SLC24A3: variants seen among roughly 807,000 people sequenced by gnomAD.
SLC24A3 encodes solute carrier family 24 member 3.
A neutral mutation model predicts 75.8 loss-of-function variants in SLC24A3; 28 were observed. The ratio of observed to expected loss-of-function variants is 0.37; its 90% confidence interval spans 0.27 to 0.51. The LOEUF (loss-of-function observed/expected upper bound fraction) is 0.51, where lower values mean the gene tolerates loss of function less well. SLC24A3 is among the 20% of genes least tolerant of loss of function. The probability of loss-of-function intolerance (pLI) is 0.94; values close to 1 mark genes in which losing one functional copy is unlikely to be tolerated. For synonymous variants in SLC24A3, 372 were observed against 334.1 expected (o/e 1.11, Z -1.24); for missense variants, 663 against 847.8 (o/e 0.78, Z 2.71).
intron 2 of SLC24A3, among the ~76,000 whole-genome samples, chr20:19,360,895 C>T (rs1454637809): frequency 5.9e-5 from 9 of 151,940 alleles, no homozygotes; most frequent in Admixed American, 6.6e-5. Flanking sequence ...GGCACAATCT[C>T]GGCTCACTGC....
At chr20:19,306,018 TAATTC>T (rs1334255544) in intron 2 of SLC24A3, among the ~76,000 whole-genome samples, 1 of 151,372 alleles carries the variant, frequency 6.6e-6, no homozygotes. Context: ...ATAAGGAACT[TAATTC>T]AATAAGCACA....
At chr20:19,658,704 T>TC (rs201173339) in intron 7 of SLC24A3, among the ~76,000 whole-genome samples, 2,598 of 152,156 alleles carry the variant, frequency 0.017, 31 homozygotes, top group Non-Finnish European at 0.025. Flanking sequence ...TTGAGAAGGC[T>TC]CCCCCAATGC....
At chr20:19,443,845 G>A (rs1326170600) in intron 2 of SLC24A3, among the ~76,000 whole-genome samples, 1 of 152,104 alleles carries the variant, frequency 6.6e-6, no homozygotes, top group Non-Finnish European at 1.5e-5. Flanking sequence ...AATTGCCTTG[G>A]CATCCACTCT....
intron 2 of SLC24A3, among the ~76,000 whole-genome samples, chr20:19,401,648 A>G (rs1986554300): frequency 6.6e-6 from 1 of 152,184 alleles, no homozygotes; most frequent in Non-Finnish European, 1.5e-5. Flanking sequence ...GGAGGTCCTC[A>G]CCCTTACCAC....
intron 1 of SLC24A3, among the ~76,000 whole-genome samples, chr20:19,251,364 A>C (rs918633756): frequency 6.6e-6 from 1 of 152,210 alleles, no homozygotes. Context: ...ACAGGGAAGA[A>C]AAGTAAGAAC....
At chr20:19,543,328 G>T (rs1164983958) in intron 3 of SLC24A3, among the ~76,000 whole-genome samples, 4 of 152,218 alleles carry the variant, frequency 2.6e-5, no homozygotes, top group South Asian at 4.1e-4. Flanking sequence ...GATACCAGTG[G>T]TTTTTTGCAG....
chr20:19,513,864 C>A (rs748977456), intron 2 of SLC24A3, among the ~76,000 whole-genome samples: 1 of 151,854 alleles, frequency 6.6e-6, no homozygotes, highest in Non-Finnish European at 1.5e-5. Context: ...AGTTCATTAA[C>A]GTATCCATTA....
At chr20:19,653,645 T>TG (rs1267161865) in intron 6 of SLC24A3, among the ~76,000 whole-genome samples, 1 of 152,148 alleles carries the variant, frequency 6.6e-6, no homozygotes, top group Non-Finnish European at 1.5e-5. Context: ...GGCCCGTTCC[T>TG]GGGGGGATGT....
chr20:19,219,466 T>A (rs1284984216), intron 1 of SLC24A3, among the ~76,000 whole-genome samples: 1 of 152,204 alleles, frequency 6.6e-6, no homozygotes, highest in African/African-American at 2.4e-5. Flanking sequence ...ATGTTCATCC[T>A]CGTGGTGCTC....
chr20:19,450,010 A>C (rs6046103), intron 2 of SLC24A3, among the ~76,000 whole-genome samples: 19,573 of 152,160 alleles, frequency 0.13, 3,340 homozygotes, highest in African/African-American at 0.37. Flanking sequence ...CCAGACCTCA[A>C]GGCATTGACA....
At chr20:19,478,665 G>A (rs1028980599) in intron 2 of SLC24A3, among the ~76,000 whole-genome samples, 22 of 152,270 alleles carry the variant, frequency 1.4e-4, no homozygotes, top group African/African-American at 5.3e-4. Flanking sequence ...AGGAGTCTGG[G>A]CCCATGACCA....
chr20:19,457,346 G>T (rs1366033769), intron 2 of SLC24A3, among the ~76,000 whole-genome samples: 1 of 152,086 alleles, frequency 6.6e-6, no homozygotes, highest in South Asian at 2.1e-4. Context: ...AAGGAATTAG[G>T]TTGGGTCATT....
intron 1 of SLC24A3, among the ~76,000 whole-genome samples, chr20:19,218,568 T>C (rs1981625083): frequency 6.6e-6 from 1 of 152,224 alleles, no homozygotes; most frequent in Non-Finnish European, 1.5e-5. Flanking sequence ...CTTTTCAACC[T>C]TTTCTATTTT....
intron 1 of SLC24A3, among the ~76,000 whole-genome samples, chr20:19,255,892 T>G (rs993196769): frequency 2.6e-5 from 4 of 152,040 alleles, no homozygotes; most frequent in African/African-American, 9.7e-5. Flanking sequence ...GGCCAGAAGT[T>G]TGAGACATCC....
intron 2 of SLC24A3, among the ~76,000 whole-genome samples, chr20:19,460,024 C>G (rs1431575130): frequency 1.3e-5 from 2 of 152,126 alleles, no homozygotes; most frequent in African/African-American, 4.8e-5. Flanking sequence ...ACTGCTGGCC[C>G]GTGGAAAGCA....
At chr20:19,679,572 G>A (rs925205681) in intron 9 of SLC24A3, among the ~76,000 whole-genome samples, 12 of 148,198 alleles carry the variant, frequency 8.1e-5, no homozygotes, top group African/African-American at 3.1e-4. Context: ...AGAGGGAGAC[G>A]GAGACGGAGA....
At position 19,717,418 on chromosome 20, in the gene SLC24A3, A is replaced by G. The variant is rs2033055852; in HGVS notation, c.1720-110A>G. On this transcript the variant is annotated intron_variant, in intron 15 of 16. Coordinates refer to ENST00000328041, the MANE Select transcript of SLC24A3 (RefSeq NM_020689.4). ...GTTGCTTTTTCATTCTAGAGGGGAG[A>G]TGTGGAATCACTGCTACTCAGAGTT... 1.7e-5 allele frequency: 16 copies of G among 967,118 alleles called. 2 individuals carry two copies. The South Asian group carries it at 2.5e-4, about 15-fold the overall frequency. The allele number at this position is 967,118 out of a possible 1,614,324, so 59.9% of individuals were successfully genotyped here.
chr20:19,524,227 C>T (rs1331274212), intron 3 of SLC24A3, among the ~76,000 whole-genome samples: 6 of 152,194 alleles, frequency 3.9e-5, no homozygotes, highest in East Asian at 1.9e-4. Flanking sequence ...TTAAATGACA[C>T]GCACTGAAAA....
chr20:19,634,818 T>C (rs148504497), intron 6 of SLC24A3, among the ~76,000 whole-genome samples: 94 of 152,294 alleles, frequency 6.2e-4, no homozygotes, highest in African/African-American at 2.1e-3. Context: ...TTGACTGAGG[T>C]GATGGTTGCA....
Sources: allele counts gnomAD v4.1 joint callset (sites outside exome capture counted in the v4.1 genomes callset), GRCh38; gene constraint gnomAD v4.1.1; transcripts MANE v1.5; gene names NCBI Gene and HGNC (gene_info 2026-07-23, HGNC 2026-07-21).